Variants in EVC2 observed in about 807,000 individuals in gnomAD.
EVC2 encodes the protein limbin.
A neutral mutation model predicts 149.3 loss-of-function variants in EVC2; 148 were observed. The observed-to-expected ratio is 0.99, with a 90% CI of 0.87 to 1.14. The LOEUF (loss-of-function observed/expected upper bound fraction) is 1.14, where lower values mean the gene tolerates loss of function less well. Among genes scored for constraint, EVC2 ranks in the 50% most tolerant of loss-of-function variants. The probability of loss-of-function intolerance (pLI) is 0.00; values close to 1 mark genes in which losing one functional copy is unlikely to be tolerated. For missense variants in EVC2, 1,854 were observed against 1,627.3 expected (o/e 1.14, Z -2.40); for synonymous variants, 776 against 649.9 (o/e 1.19, Z -2.95).
intron 21 of EVC2, among the ~76,000 whole-genome samples, chr4:5,553,212 C>T (rs1037233142): frequency 6.6e-6 from 1 of 152,158 alleles, no homozygotes; most frequent in African/African-American, 2.4e-5. Context: ...GCAGGCATGT[C>T]TCACATGCCA....
At chr4:5,626,680 T>A (rs1243606782) in intron 12 of EVC2, among the ~76,000 whole-genome samples, 2 of 152,064 alleles carry the variant, frequency 1.3e-5, no homozygotes, top group African/African-American at 4.8e-5. Context: ...CCAGTGGAGA[T>A]CAGCATTTTA....
chr4:5,604,442 G>C lies in EVC2; in HGVS notation c.2829+10980C>G, dbSNP rs1218424749. ...GTTACGTCAGTGTTAAGTGAAATAA[G>C]GCAGCCACAGAAAGACAAACATCAC... On this transcript the variant is annotated intron_variant, in intron 16 of 21. Transcript: ENST00000344408. Among the ~76,000 whole-genome samples, 9 of 152,280 alleles carry C rather than the reference G, an allele frequency of 5.9e-5. No homozygotes were observed. In the South Asian group the frequency reaches 1.5e-3, roughly 25 times the overall value.
Position 5,584,657 on chromosome 4 carries a change from G to A in EVC2, c.3023C>T (p.Ser1008Leu), listed in dbSNP as rs60809236. The change falls in exon 17 of 22, where the codon TCG (serine) becomes TTG (leucine). Residue 1008 changes from serine (S) to leucine (L), a missense_variant. Transcript: ENST00000344408. ...CGACTCCAGGATCTGTGTGCAGGCC[G>A]ACTTGGTCAGCATCTCAGATGCACT... ...ELSASEMLTK[S>L]ACTQILESHS... is the part of the protein sequence containing the mutation. 6.2e-3 allele frequency: 9,980 copies of A among 1,613,748 alleles called. 498 individuals are homozygous for A. The African/African-American group carries it at 0.11, about 18-fold the overall frequency.
intron 9 of EVC2, among the ~76,000 whole-genome samples, chr4:5,655,153 C>T (rs1718431476): frequency 6.6e-6 from 1 of 152,170 alleles, no homozygotes; most frequent in Non-Finnish European, 1.5e-5. Flanking sequence ...CTGCTCTGCT[C>T]TCCAGTGACC....
At chr4:5,598,324 C>G (rs1713645141) in intron 16 of EVC2, among the ~76,000 whole-genome samples, 1 of 151,492 alleles carries the variant, frequency 6.6e-6, no homozygotes, top group Admixed American at 6.6e-5. Flanking sequence ...AACTATACTA[C>G]AAGGCTACAG....
In EVC2 at chr4:5,686,394, G is replaced by A. The variant is rs1245203336; in HGVS notation, c.707-915C>T. ...ATAACCTAGAGCTAAGATAATGAAC[G>A]TAAAGTGATAAAGATAATGGCAGTG... On this transcript the variant is annotated intron_variant, in intron 5 of 21. Coordinates refer to ENST00000344408, the MANE Select transcript of EVC2 (RefSeq NM_147127.5). This position sits in a 1 kb window ranked among gnomAD's most constrained non-coding sequence, Gnocchi z 5.4. 6.6e-6 allele frequency among the ~76,000 whole-genome samples: 1 copy of A among 151,934 alleles called. No homozygotes were observed. The highest frequency in any genetic ancestry group is 6.6e-5 in the Admixed American group (1 of 15,234).
chr4:5,540,634 A>T (rs1353495050), downstream of EVC2, among the ~76,000 whole-genome samples: 1 of 152,224 alleles, frequency 6.6e-6, no homozygotes, highest in Non-Finnish European at 1.5e-5. Context: ...AGAGCAGGTA[A>T]GCTGTTACCT....
intron 16 of EVC2, among the ~76,000 whole-genome samples, chr4:5,607,882 G>T (rs1292164514): frequency 6.6e-6 from 1 of 151,920 alleles, no homozygotes; most frequent in Non-Finnish European, 1.5e-5. Flanking sequence ...GAAGCAGAAG[G>T]AACAGGGATG....
At chr4:5,630,435 G>C (rs1320698883) in intron 11 of EVC2, among the ~76,000 whole-genome samples, 1 of 152,182 alleles carries the variant, frequency 6.6e-6, no homozygotes, top group Non-Finnish European at 1.5e-5. Context: ...TGGAGTAACA[G>C]AGGCTGGTCA....
At chr4:5,555,391 T>C (rs1721819998) in intron 21 of EVC2, among the ~76,000 whole-genome samples, 2 of 152,314 alleles carry the variant, frequency 1.3e-5, no homozygotes, top group South Asian at 2.1e-4. Flanking sequence ...TCCAAATATA[T>C]GTTGTCTACC....
At chr4:5,666,521 T>C (rs553400640) in intron 7 of EVC2, among the ~76,000 whole-genome samples, 5 of 152,294 alleles carry the variant, frequency 3.3e-5, no homozygotes, top group Non-Finnish European at 7.4e-5. Context: ...TCCTGAAGTT[T>C]TTCATGGCCT....
At chr4:5,581,204 C>T (rs983300256) in intron 17 of EVC2, among the ~76,000 whole-genome samples, 7 of 152,128 alleles carry the variant, frequency 4.6e-5, no homozygotes, top group Non-Finnish European at 1.0e-4. Flanking sequence ...AAAATTGGTA[C>T]TGAGGAGTGG....
chr4:5,587,391 CTT>C (rs750633966), intron 16 of EVC2, among the ~76,000 whole-genome samples: 10 of 152,210 alleles, frequency 6.6e-5, no homozygotes, highest in Non-Finnish European at 1.5e-4. Flanking sequence ...GCTTCTTTTA[CTT>C]CGCATAATGT....
At chr4:5,654,291 C>T (rs569819167) in intron 9 of EVC2, among the ~76,000 whole-genome samples, 1 of 151,828 alleles carries the variant, frequency 6.6e-6, no homozygotes, top group South Asian at 2.1e-4. Context: ...TGGAGTCAGC[C>T]CTGGAGTCCA....
chr4:5,562,319 CA>C (rs1190442565), downstream of EVC2: 1 of 456,458 alleles, frequency 2.2e-6, no homozygotes. The surrounding 1 kb of genome is among the most constrained non-coding windows in gnomAD (Gnocchi z 4.3). Flanking sequence ...CATGTTTTGG[CA>C]ACTGGAGCGA....
the EVC2 span, among the ~76,000 whole-genome samples, chr4:5,532,493 C>T: frequency 6.6e-6 from 1 of 152,144 alleles, no homozygotes; most frequent in African/African-American, 2.4e-5. Context: ...ATACAACAGA[C>T]CCAAGACTCA....
chr4:5,708,675 C>A, upstream of EVC2: 1 of 522,162 alleles, frequency 1.9e-6, no homozygotes. Flanking sequence ...CCAGGAGGTG[C>A]CGGACGGGCG....
At chr4:5,531,030 C>G in the EVC2 span, among the ~76,000 whole-genome samples, 2 of 152,156 alleles carry the variant, frequency 1.3e-5, no homozygotes, top group East Asian at 3.9e-4. Context: ...ATTTAATTCT[C>G]ACAATAACAC....
chr4:5,692,483 G>C (rs1299839089), intron 3 of EVC2, among the ~76,000 whole-genome samples: 2 of 152,208 alleles, frequency 1.3e-5, no homozygotes, highest in Non-Finnish European at 2.9e-5. Flanking sequence ...GGAAGCTCGA[G>C]ACTCTCCCCA....
Sources: allele counts gnomAD v4.1 joint callset (sites outside exome capture counted in the v4.1 genomes callset), GRCh38; gene constraint gnomAD v4.1.1; non-coding constraint Gnocchi (gnomAD v3.1); transcripts MANE v1.5; gene names NCBI Gene and HGNC (gene_info 2026-07-23, HGNC 2026-07-21).